The following TGFBI variants were observed in gnomAD, a reference collection of about 807,000 sequenced individuals.
TGFBI encodes the protein transforming growth factor beta induced.
In TGFBI, 50 loss-of-function variants were observed where a neutral mutation model predicts 73.7. That is an observed-to-expected ratio of 0.68 (90% CI 0.54 to 0.86). The LOEUF (loss-of-function observed/expected upper bound fraction) is 0.86, where lower values mean the gene tolerates loss of function less well. TGFBI is among the 40% of genes least tolerant of loss of function. The pLI is 0.00. For missense variants in TGFBI, 839 were observed against 877.0 expected (o/e 0.96, Z 0.55); for synonymous variants, 362 against 360.5 (o/e 1.00, Z -0.05).
At chr5:136,059,854 G>A (rs1990199) in intron 13 of TGFBI, among the ~76,000 whole-genome samples, 2 of 151,970 alleles carry the variant, frequency 1.3e-5, no homozygotes, top group Non-Finnish European at 1.5e-5. Context: ...AGTTTCTCAC[G>A]AGGAGCATAG....
At chr5:136,030,298 T>C (rs1291167062) in intron 1 of TGFBI, among the ~76,000 whole-genome samples, 2 of 151,964 alleles carry the variant, frequency 1.3e-5, no homozygotes, top group Admixed American at 6.6e-5. Context: ...GGTGATAGAG[T>C]TGACTTCACA....
chr5:136,034,144 T>G (rs1046340271), intron 2 of TGFBI, among the ~76,000 whole-genome samples: 1 of 150,804 alleles, frequency 6.6e-6, no homozygotes, highest in Non-Finnish European at 1.5e-5. Flanking sequence ...GTGTGTGTGT[T>G]TCTCAATCCT....
intron 11 of TGFBI, 194 bp from the exon 12 acceptor site, chr5:136,056,471 G>T: frequency 1.6e-6 from 1 of 629,824 alleles, no homozygotes; most frequent in East Asian, 2.9e-5. Flanking sequence ...TTGCTGGGTG[G>T]AGAGAGCTGG....
chr5:136,052,806 T>A (rs1474528269), intron 7 of TGFBI, 101 bp from the exon 8 acceptor site: 1 of 1,176,104 alleles, frequency 8.5e-7, no homozygotes, highest in Non-Finnish European at 1.2e-6. Flanking sequence ...AGGGTCCTCA[T>A]CTGAGAGAAC....
rs746341674 is a variant in TGFBI, at chr5:136,063,177, C to A, written c.2012-9C>A. ...CACCTATTTGACGTTACCAACTTCT[C>A]TTTTTCAGCCCCTGTCTATCAAAAG... is the stretch of plus-strand genomic sequence containing the variant. On this transcript the variant is annotated splice_polypyrimidine_tract_variant and intron_variant, in intron 16 of 16. Coordinates refer to ENST00000442011, the MANE Select transcript of TGFBI (RefSeq NM_000358.3). 1 of 1,613,470 alleles carries A rather than the reference C, an allele frequency of 6.2e-7. No homozygotes were observed. Among genetic ancestry groups the A allele is most frequent in the Admixed American group, 1.7e-5 (1 of 60,020 alleles).
chr5:136,046,283 G>A (rs1469545605), intron 3 of TGFBI, 52 bp from the exon 4 acceptor site: 1 of 1,606,356 alleles, frequency 6.2e-7, no homozygotes, highest in Admixed American at 1.7e-5. Context: ...GGAGGGTGTG[G>A]TTGGGCTGGA....
intron 15 of TGFBI, among the ~76,000 whole-genome samples, chr5:136,062,267 CA>C (rs1751762117): frequency 6.6e-6 from 1 of 152,164 alleles, no homozygotes; most frequent in Non-Finnish European, 1.5e-5. Context: ...ATCCTAAACC[CA>C]GAGGCCTGGA....
At chr5:136,059,283 C>T (rs1751706234) in intron 13 of TGFBI, 69 bp downstream of exon 13, 2 of 1,573,676 alleles carry the variant, frequency 1.3e-6, no homozygotes, top group Admixed American at 1.8e-5. Flanking sequence ...TATCTCACCC[C>T]CAGGATGGAA....
intron 8 of TGFBI, among the ~76,000 whole-genome samples, chr5:136,053,467 G>T (rs1276241902): frequency 6.6e-6 from 1 of 152,234 alleles, no homozygotes. Context: ...CTGTCCCATG[G>T]TCACTGACCC....
chr5:136,054,625 G>T (rs1477408386), intron 9 of TGFBI, 91 bp from the exon 10 acceptor site: 3 of 1,564,332 alleles, frequency 1.9e-6, no homozygotes, highest in African/African-American at 2.7e-5. Context: ...AACTCAAGGA[G>T]GGATGGGCTT....
chr5:136,054,045 T>C lies in TGFBI; in HGVS notation c.1229T>C (p.Leu410Ser). The change falls in exon 9 of 17, where the codon TTG (leucine) becomes TCG (serine). Residue 410 changes from leucine to serine, a missense_variant. By Grantham distance (145) the Leu-to-Ser change is moderately radical. Transcript: ENST00000442011. ...LGNHLSGSER[L>S]TLLAPLNSVF... ...AATCATCTCTCTGGAAGTGAGCGGT[T>C]GACCCTCCTGGCTCCCCTGAATTCT... 1.2e-6 allele frequency: 2 copies of C among 1,613,978 alleles called. No individual in the cohort carries two copies. Among genetic ancestry groups the C allele is most frequent in the Non-Finnish European group, 1.7e-6 (2 of 1,179,876 alleles).
intron 16 of TGFBI, 129 bp from the exon 17 acceptor site, chr5:136,063,057 C>T (rs1039414848): frequency 2.5e-6 from 2 of 792,964 alleles, no homozygotes; most frequent in Non-Finnish European, 4.2e-6. Flanking sequence ...AACCACAAAG[C>T]ACCTGCTATG....
rs774697241 is a variant in TGFBI, at chr5:136,046,343, C to T, written c.307C>T (p.Leu103Phe). Reference sequence around the variant, plus strand: ...GTCTTCTGCTCCTGCAGCCCTACCACTCTCAAACCTTTACGAGACCCTGGG... The same window carrying T: ...GTCTTCTGCTCCTGCAGCCCTACCATTCTCAAACCTTTACGAGACCCTGGG... ...GEKGCPAALP[L>F]SNLYETLGVV... The change falls in exon 4 of 17, where the codon CTC (leucine) becomes TTC (phenylalanine). Residue 103 changes from leucine (L) to phenylalanine (F), a missense_variant. Leu to Phe is a conservative substitution (Grantham distance 22, BLOSUM62 0). Transcript: ENST00000442011. 13 of 1,613,954 alleles carry T rather than the reference C, an allele frequency of 8.1e-6. No individual in the cohort carries two copies. The highest frequency in any genetic ancestry group is 1.1e-5 in the Non-Finnish European group (13 of 1,179,870).
intron 10 of TGFBI, 97 bp from the exon 11 acceptor site, chr5:136,055,583 T>A (rs1751614413): frequency 8.3e-7 from 1 of 1,200,730 alleles, no homozygotes; most frequent in African/African-American, 1.5e-5. Flanking sequence ...TCCTTCATCT[T>A]CATGGATAAT....
intron 16 of TGFBI, 23 bp from the exon 17 acceptor site, chr5:136,063,163 C>T (rs754578704): frequency 1.4e-5 from 23 of 1,611,170 alleles, no homozygotes; most frequent in South Asian, 8.8e-5. Flanking sequence ...ACCTATTTGA[C>T]GTTACCAACT....
intron 2 of TGFBI, among the ~76,000 whole-genome samples, chr5:136,037,295 A>T (rs1751244237): frequency 6.6e-6 from 1 of 152,238 alleles, no homozygotes; most frequent in Non-Finnish European, 1.5e-5. Context: ...CCGGAGTGAT[A>T]CAATGGCTAA....
At chr5:136,035,008 G>A (rs1365332823) in intron 2 of TGFBI, among the ~76,000 whole-genome samples, 1 of 152,232 alleles carries the variant, frequency 6.6e-6, no homozygotes, top group Non-Finnish European at 1.5e-5. Flanking sequence ...TAAACTGTAT[G>A]TGGAAATAAA....
intron 16 of TGFBI, 25 bp from the exon 17 acceptor site, chr5:136,063,161 G>C: frequency 2.5e-6 from 4 of 1,611,214 alleles, no homozygotes; most frequent in Non-Finnish European, 3.4e-6. Flanking sequence ...GCACCTATTT[G>C]ACGTTACCAA....
intron 16 of TGFBI, 84 bp from the exon 17 acceptor site, chr5:136,063,102 C>A: frequency 7.5e-7 from 1 of 1,335,370 alleles, no homozygotes; most frequent in Non-Finnish European, 1.1e-6. Flanking sequence ...GCTGCTTGGC[C>A]CTGGTCCTTG....
Sources: allele counts gnomAD v4.1 joint callset (sites outside exome capture counted in the v4.1 genomes callset), GRCh38; gene constraint gnomAD v4.1.1; transcripts MANE v1.5; gene names NCBI Gene and HGNC (gene_info 2026-07-23, HGNC 2026-07-21).